SLCO1B1: variants seen among roughly 807,000 people sequenced by gnomAD.
The protein encoded by SLCO1B1 is solute carrier organic anion transporter family member 1B1.
In SLCO1B1, 81 loss-of-function variants were observed where a neutral mutation model predicts 70.1. That is an observed-to-expected ratio of 1.16 (90% confidence interval 0.97 to 1.39). The LOEUF (loss-of-function observed/expected upper bound fraction) is 1.39. SLCO1B1 is among the 40% of genes most tolerant of loss of function. The pLI, the probability that SLCO1B1 is intolerant of heterozygous loss-of-function variation, is 0.00. For synonymous variants in SLCO1B1, 283 were observed against 271.5 expected, an observed-to-expected ratio of 1.04 and a Z score of -0.42; for missense variants, 895 against 799.6, an observed-to-expected ratio of 1.12 and a Z score of -1.44.
chr12:21,163,865 G>A (rs566102384), intron 2 of SLCO1B1, among the ~76,000 whole-genome samples: 14 of 151,692 alleles, frequency 9.2e-5, no homozygotes, highest in South Asian at 8.3e-4. Flanking sequence ...GATGGTAATC[G>A]AAGCAAAGAC....
intron 12 of SLCO1B1, among the ~76,000 whole-genome samples, chr12:21,218,994 A>G (rs1246187986): frequency 1.3e-5 from 2 of 152,226 alleles, no homozygotes; most frequent in African/African-American, 2.4e-5. Flanking sequence ...CATTTATTCA[A>G]TATGTATTCA....
At chr12:21,226,544 G>C (rs1050866073) in intron 14 of SLCO1B1, among the ~76,000 whole-genome samples, 1 of 152,138 alleles carries the variant, frequency 6.6e-6, no homozygotes, top group Non-Finnish European at 1.5e-5. Context: ...TAGGAGCTCA[G>C]TGGGGAGAAG....
intron 7 of SLCO1B1, among the ~76,000 whole-genome samples, chr12:21,186,523 A>G (rs1177455460): frequency 2.6e-5 from 4 of 152,098 alleles, no homozygotes; most frequent in Non-Finnish European, 5.9e-5. Context: ...GCCACTAGTG[A>G]TGCTGAAACT....
chr12:21,135,873 C>T (rs1381422640), intron 1 of SLCO1B1, among the ~76,000 whole-genome samples: 1 of 152,156 alleles, frequency 6.6e-6, no homozygotes, highest in Admixed American at 6.5e-5. Flanking sequence ...TTGATCCTGT[C>T]ATTGTGATGT....
At chr12:21,136,568 CA>C (rs1250459908) in intron 1 of SLCO1B1, among the ~76,000 whole-genome samples, 10 of 152,160 alleles carry the variant, frequency 6.6e-5, no homozygotes, top group Non-Finnish European at 8.8e-5. Flanking sequence ...CTTCTCACTT[CA>C]TTTCATTCAT....
At chr12:21,184,431 T>C (rs993411051) in intron 7 of SLCO1B1, among the ~76,000 whole-genome samples, 2 of 152,036 alleles carry the variant, frequency 1.3e-5, no homozygotes, top group Non-Finnish European at 2.9e-5. Flanking sequence ...GCAAAAACCA[T>C]ACAAGCCAGA....
rs1474648251 is a variant in SLCO1B1, at chr12:21,217,250, G to A, written c.1629G>A (p.Leu543=). 2 of 1,613,730 alleles carry A rather than the reference G, an allele frequency of 1.2e-6. No individual in the cohort carries two copies. Among genetic ancestry groups the A allele is most frequent in the South Asian group, 2.2e-5 (2 of 91,082 alleles). ...ACTTTTTTGTTGCAATACAAGTCTT[G>A]AATTTATTTTTCTCTGCACTTGGAG... ...KFYFFVAIQV[L]NLFFSALGGT... Residue 543 remains leucine (L), a synonymous_variant, in exon 12 of 15, where the codon TTG becomes TTA. Coordinates refer to ENST00000256958, the MANE Select transcript of SLCO1B1 (RefSeq NM_006446.5).
chr12:21,186,724 A>G (rs1940966473), intron 7 of SLCO1B1, among the ~76,000 whole-genome samples: 1 of 152,130 alleles, frequency 6.6e-6, no homozygotes. Flanking sequence ...CTATGCCAGC[A>G]GGCACAAAAT....
intron 7 of SLCO1B1, among the ~76,000 whole-genome samples, chr12:21,190,414 CT>C (rs1941016598): frequency 6.6e-6 from 1 of 152,142 alleles, no homozygotes; most frequent in African/African-American, 2.4e-5. Context: ...CTGAGTACTC[CT>C]TTCATCTGTT....
intron 14 of SLCO1B1, among the ~76,000 whole-genome samples, chr12:21,233,909 T>C (rs11513225): frequency 0.32 from 48,569 of 152,000 alleles, 8,330 homozygotes; most frequent in East Asian, 0.45. Context: ...ACAAAGGCAA[T>C]CCCAGATGAG....
chr12:21,221,958 C>T (rs1481545996), intron 12 of SLCO1B1, among the ~76,000 whole-genome samples: 2 of 152,000 alleles, frequency 1.3e-5, no homozygotes, highest in African/African-American at 4.8e-5. Context: ...TGCTCTTTCA[C>T]ACTTATTATA....
chr12:21,231,749 C>T (rs758657053), intron 14 of SLCO1B1, among the ~76,000 whole-genome samples: 10 of 151,286 alleles, frequency 6.6e-5, no homozygotes, highest in Non-Finnish European at 1.0e-4. Context: ...TACACACAAA[C>T]GTATATGTGT....
At chr12:21,199,634 C>G (rs909647223) in intron 8 of SLCO1B1, among the ~76,000 whole-genome samples, 1 of 151,960 alleles carries the variant, frequency 6.6e-6, no homozygotes, top group Non-Finnish European at 1.5e-5. Flanking sequence ...GAATTTTGAA[C>G]CTCAATGGTC....
At chr12:21,149,375 C>T (rs1028550797) in intron 2 of SLCO1B1, among the ~76,000 whole-genome samples, 7 of 152,052 alleles carry the variant, frequency 4.6e-5, no homozygotes, top group Non-Finnish European at 1.0e-4. Flanking sequence ...ATAGATAGCT[C>T]TTATTATTTT....
rs1591810270 is a variant in SLCO1B1 at position 21,178,450 on chromosome 12, A to G, written c.482-126A>G. 8 of 665,272 alleles carry G rather than the reference A, an allele frequency of 1.2e-5. No homozygotes were observed. In the East Asian group the frequency reaches 2.3e-4, roughly 19 times the overall value. 41.2% of individuals were successfully genotyped at this position (665,272 alleles called of 1,614,324 possible). On this transcript the variant is annotated intron_variant, in intron 5 of 14. Transcript: ENST00000256958. ...TATTGTCAAAGTTTGCAAAGTGAATATAAATTACTTGTACTTGTAAATTAA... is the reference window on the plus strand; with the variant it reads ...TATTGTCAAAGTTTGCAAAGTGAATGTAAATTACTTGTACTTGTAAATTAA...
intron 7 of SLCO1B1, among the ~76,000 whole-genome samples, chr12:21,192,322 C>A (rs893172402): frequency 6.6e-6 from 1 of 151,566 alleles, no homozygotes; most frequent in Non-Finnish European, 1.5e-5. Flanking sequence ...TCTATATTTT[C>A]TGTGTTTTAT....
At chr12:21,224,912 A>C in intron 14 of SLCO1B1, 73 bp downstream of exon 14, 1 of 754,864 alleles carries the variant, frequency 1.3e-6, no homozygotes, top group Admixed American at 2.4e-5. Context: ...CATTTTCATT[A>C]TATAATAATA....
At chr12:21,184,120 G>C (rs1453713669) in intron 7 of SLCO1B1, among the ~76,000 whole-genome samples, 1 of 152,072 alleles carries the variant, frequency 6.6e-6, no homozygotes, top group Non-Finnish European at 1.5e-5. Flanking sequence ...CCAAGCCTAT[G>C]ATTCATTGGA....
At chr12:21,193,931 CAGGT>C (rs762892511) in intron 7 of SLCO1B1, among the ~76,000 whole-genome samples, 2 of 152,126 alleles carry the variant, frequency 1.3e-5, no homozygotes, top group Non-Finnish European at 2.9e-5. Context: ...GCTGGGACTA[CAGGT>C]GCCCACCACG....
Sources: allele counts gnomAD v4.1 joint callset (sites outside exome capture counted in the v4.1 genomes callset), GRCh38; gene constraint gnomAD v4.1.1; transcripts MANE v1.5; gene names NCBI Gene and HGNC (gene_info 2026-07-23, HGNC 2026-07-21).